Variants in SNAPIN observed in about 807,000 individuals in gnomAD.
The protein encoded by SNAPIN is SNARE-associated protein Snapin.
In SNAPIN, 16 loss-of-function variants were observed where a neutral mutation model predicts 15.9. The ratio of observed to expected loss-of-function variants is 1.01; its 90% CI spans 0.68 to 1.53. The LOEUF (loss-of-function observed/expected upper bound fraction) is 1.53. SNAPIN is among the 40% of genes most tolerant of loss of function. SNAPIN has a pLI of 0.00. For missense variants in SNAPIN, 186 were observed against 180.1 expected (o/e 1.03, Z -0.19); for synonymous variants, 83 against 76.2 (o/e 1.09, Z -0.46).
chr1:153,659,324 C>G, intron 2 of SNAPIN, 124 bp from the exon 3 acceptor site: 1 of 1,233,374 alleles, frequency 8.1e-7, no homozygotes, highest in Non-Finnish European at 1.2e-6. Flanking sequence ...TCAGGGATGT[C>G]TTAAATCTCT....
chr1:153,658,657 G>T, upstream of SNAPIN: 2 of 1,396,062 alleles, frequency 1.4e-6, no homozygotes, highest in South Asian at 3.4e-5. Flanking sequence ...CATTTCCCGG[G>T]CGCCCCCTCA....
In SNAPIN at chr1:153,661,822, TTAAAA is replaced by T; in HGVS notation, c.*523_*527del. 6.4e-6 allele frequency: 1 copy of T among 155,406 alleles called. No individual in the cohort carries two copies. The highest frequency in any genetic ancestry group is 3.4e-3 in the Middle Eastern group (1 of 296). 9.6% of individuals were successfully genotyped at this position (155,406 alleles called of 1,614,324 possible). ...TAGAATCATTTTATTCAATAAATAC[TTAAAA>T]TGATATTCTAGTTTACTCTGGTATA... On this transcript the variant is annotated 3_prime_UTR_variant, in exon 4 of 4. Coordinates refer to ENST00000368685, the MANE Select transcript of SNAPIN (RefSeq NM_012437.6).
At position 153,661,524 on chromosome 1, in the gene SNAPIN, C is replaced by T. The variant is rs1557949998; in HGVS notation, c.*223C>T. The T allele has an allele frequency of 2.8e-6, 1 of 363,514 alleles. No individual in the cohort carries two copies. The highest frequency in any genetic ancestry group is 4.7e-5 in the East Asian group (1 of 21,454). 22.5% of individuals were successfully genotyped at this position (363,514 alleles called of 1,614,324 possible). A position where few individuals can be genotyped will look rare whatever the true frequency, so the allele number is the denominator to read the frequency against. ...CCCAAAGGACTTACATTAATTATGGCTCTTGCTTCCTTTCACAAATGAGCT... is the reference window on the plus strand; with the variant it reads ...CCCAAAGGACTTACATTAATTATGGTTCTTGCTTCCTTTCACAAATGAGCT... On this transcript the variant is annotated 3_prime_UTR_variant, in exon 4 of 4. Coordinates refer to ENST00000368685, the MANE Select transcript of SNAPIN (RefSeq NM_012437.6).
In SNAPIN at chr1:153,661,311, C is replaced by T. The variant is rs755300034; in HGVS notation, c.*10C>T. The T allele has an allele frequency of 9.4e-6, 15 of 1,600,248 alleles. No individual in the cohort carries two copies. Among genetic ancestry groups the T allele is most frequent in the African/African-American group, 8.0e-5 (6 of 74,640 alleles). On this transcript the variant is annotated 3_prime_UTR_variant, in exon 4 of 4. Coordinates refer to ENST00000368685, the MANE Select transcript of SNAPIN (RefSeq NM_012437.6). Reference sequence around the variant, plus strand: ...CTCCCCAGGCAAATAACAGATGAGCCTATGGACTCAGTAGCACAAGTACTG... The same window carrying T: ...CTCCCCAGGCAAATAACAGATGAGCTTATGGACTCAGTAGCACAAGTACTG...
chr1:153,659,861 C>A (rs961907211), intron 3 of SNAPIN, among the ~76,000 whole-genome samples: 1 of 152,014 alleles, frequency 6.6e-6, no homozygotes, highest in African/African-American at 2.4e-5. Context: ...CTCCGCCTCC[C>A]GAGTAACTAG....
At chr1:153,659,259 C>T (rs1669091918) in intron 2 of SNAPIN, 75 bp downstream of exon 2, 14 of 1,501,030 alleles carry the variant, frequency 9.3e-6, no homozygotes, top group Non-Finnish European at 1.2e-5. Context: ...AACCCCTGGG[C>T]TGAGTTTCTG....
chr1:153,660,171 C>T (rs1669110823), intron 3 of SNAPIN, among the ~76,000 whole-genome samples: 1 of 151,974 alleles, frequency 6.6e-6, no homozygotes, highest in Non-Finnish European at 1.5e-5. Flanking sequence ...TACAGGCATG[C>T]ACCACCATGT....
chr1:153,658,930 T>C (rs1052978120), intron 1 of SNAPIN, 44 bp downstream of exon 1: 1 of 1,603,508 alleles, frequency 6.2e-7, no homozygotes, highest in African/African-American at 1.3e-5. Context: ...CTCTCTGGCT[T>C]TGTAGGGGCG....
rs1395090537 is a variant in SNAPIN, at chr1:153,658,782, G to A, written c.39G>A (p.Gly13=). The A allele has an allele frequency of 6.3e-7, 1 of 1,583,332 alleles. No homozygotes were observed. The highest frequency in any genetic ancestry group is 8.5e-7 in the Non-Finnish European group (1 of 1,170,930). Residue 13 remains glycine, a synonymous_variant, in exon 1 of 4, where the codon GGG becomes GGA. Transcript: ENST00000368685. ...GTTCCGCCGCTGTATCGGGGGCAGG[G>A]ACCCCGGTGGCGGGGCCCACAGGCC... is the stretch of plus-strand genomic sequence containing the variant. ...GAGSAAVSGA[G]TPVAGPTGRD...
chr1:153,661,005 G>C (rs1278382951), intron 3 of SNAPIN, among the ~76,000 whole-genome samples, 195 bp from the exon 4 acceptor site: 2 of 151,408 alleles, frequency 1.3e-5, no homozygotes, highest in East Asian at 1.9e-4. Flanking sequence ...CCTGACCTCA[G>C]GTAATCCACC....
In SNAPIN at chr1:153,659,521, C is replaced by T. The variant is rs1571330422; in HGVS notation, c.264C>T (p.Ala88=). The T allele has an allele frequency of 1.2e-6, 2 of 1,613,994 alleles. No homozygotes were observed. Among genetic ancestry groups the T allele is most frequent in the East Asian group, 2.2e-5 (1 of 44,878 alleles). The change falls in exon 3 of 4, where the codon GCC becomes GCT. Residue 88 remains alanine, a synonymous_variant. Transcript: ENST00000368685. ...CCTATGTTAAGAAGCTACTTAATGC[C>T]CGGCGACGCGTTGTCTTGGTTAACA... The part of the protein sequence containing the change: ...LDPYVKKLLN[A]RRRVVLVNNI...
Position 153,659,084 on chromosome 1 carries a change from G to T in SNAPIN, c.144-54G>T, listed in dbSNP as rs940607027. ...ACTTGGTAAATACGTAGGGGAGTTC[G>T]TTTCCTGAGCTCCGGTAACTGCCTG... On this transcript the variant is annotated intron_variant, in intron 1 of 3. Transcript: ENST00000368685. 25 of 1,599,766 alleles carry T rather than the reference G, an allele frequency of 1.6e-5. No homozygotes were observed. In the Admixed American group the frequency reaches 4.0e-4, roughly 26 times the overall value.
chr1:153,658,941 G>A, intron 1 of SNAPIN, 55 bp downstream of exon 1: 1 of 1,600,836 alleles, frequency 6.2e-7, no homozygotes, highest in Non-Finnish European at 8.5e-7. Flanking sequence ...TGTAGGGGCG[G>A]GGCCAAGAAA....
chr1:153,661,223 C>T lies in SNAPIN; in HGVS notation c.333C>T (p.His111=), dbSNP rs1199433184. 1.2e-6 allele frequency: 2 copies of T among 1,613,658 alleles called. No homozygotes were observed. The highest frequency in any genetic ancestry group is 1.3e-5 in the African/African-American group (1 of 74,896). The stretch of plus-strand genomic sequence containing the variant: ...AGGAACGACTGAGACGGCTAAACCA[C>T]AGTGTTGCCAAGGAAACAGCCCGCA... The part of the protein sequence containing the change: ...NAQERLRRLN[H]SVAKETARRR... Residue 111 remains histidine (H), a synonymous_variant, in exon 4 of 4, where the codon CAC becomes CAT. Coordinates refer to ENST00000368685, the MANE Select transcript of SNAPIN (RefSeq NM_012437.6).
chr1:153,659,631 G>C, intron 3 of SNAPIN, 65 bp downstream of exon 3: 1 of 1,094,070 alleles, frequency 9.1e-7, no homozygotes, highest in Admixed American at 1.9e-5. Flanking sequence ...CACAGTGAAA[G>C]CCACTGTAAT....
rs942034865 is a variant in SNAPIN, at chr1:153,660,348, T to A, written c.309+782T>A. On this transcript the variant is annotated intron_variant, in intron 3 of 3. Transcript: ENST00000368685. The stretch of plus-strand genomic sequence containing the variant: ...TGCCTGGCCTTTTTTTTTTTTTTTT[T>A]AAATAAAAAGACAGGATCGGCTGGG... Among the ~76,000 whole-genome samples the A allele has an allele frequency of 9.0e-4, 135 of 149,484 alleles. 1 individual carries two copies. Among genetic ancestry groups the A allele is most frequent in the Non-Finnish European group, 2.5e-4 (17 of 67,276 alleles).
chr1:153,659,393 C>A lies in SNAPIN; in HGVS notation c.191-55C>A. The stretch of plus-strand genomic sequence containing the variant: ...CCATCCCATTACCAGCCTGCTTTCC[C>A]TCAGAACAAGAGATAAGCCGTTAGA... On this transcript the variant is annotated intron_variant, in intron 2 of 3. Coordinates refer to ENST00000368685, the MANE Select transcript of SNAPIN (RefSeq NM_012437.6). The A allele has an allele frequency of 3.4e-6, 5 of 1,463,584 alleles. No individual in the cohort carries two copies. In the South Asian group the frequency reaches 4.6e-5, roughly 13 times the overall value. 90.7% of individuals were successfully genotyped at this position (1,463,584 alleles called of 1,614,324 possible).
chr1:153,661,456 A>C lies in SNAPIN; in HGVS notation c.*155A>C. On this transcript the variant is annotated 3_prime_UTR_variant, in exon 4 of 4. Transcript: ENST00000368685. ...TTGAAGCACTTCGTCTTACCCATTTATGTAGGGGCCCCAGGAAACCTACAC... is the reference window on the plus strand; with the variant it reads ...TTGAAGCACTTCGTCTTACCCATTTCTGTAGGGGCCCCAGGAAACCTACAC... 1 of 531,606 alleles carries C rather than the reference A, an allele frequency of 1.9e-6. No homozygotes were observed. Among genetic ancestry groups the C allele is most frequent in the Non-Finnish European group, 3.3e-6 (1 of 304,216 alleles). 32.9% of individuals were successfully genotyped at this position (531,606 alleles called of 1,614,324 possible). A position where few individuals can be genotyped will look rare whatever the true frequency, so the allele number is the denominator to read the frequency against.
At chr1:153,658,692 T>C, upstream of SNAPIN, 1 of 1,482,164 alleles carries the variant, frequency 6.7e-7, no homozygotes, top group African/African-American at 1.4e-5. Context: ...GCGGCGCGGC[T>C]CCGGTTCCCG....
Sources: allele counts gnomAD v4.1 joint callset (sites outside exome capture counted in the v4.1 genomes callset), GRCh38; gene constraint gnomAD v4.1.1; transcripts MANE v1.5; gene names NCBI Gene and HGNC (gene_info 2026-07-23, HGNC 2026-07-21).